Variants in B3GALNT2 observed in about 807,000 individuals in gnomAD.
B3GALNT2 encodes UDP-GalNAc:beta-1,3-N-acetylgalactosaminyltransferase 2.
A neutral mutation model predicts 61.1 loss-of-function variants in B3GALNT2; 53 were observed. The ratio of observed to expected loss-of-function variants is 0.87; its 90% CI spans 0.70 to 1.09. The LOEUF (loss-of-function observed/expected upper bound fraction) is 1.09, where lower values mean the gene tolerates loss of function less well. Ranked by LOEUF, B3GALNT2 falls within the 50% of genes least tolerant of loss-of-function variation. The probability of loss-of-function intolerance (pLI) is 0.00; values close to 1 mark genes in which losing one functional copy is unlikely to be tolerated. For synonymous variants in B3GALNT2, 223 were observed against 237.4 expected (o/e 0.94, Z 0.56); for missense variants, 544 against 623.0 (o/e 0.87, Z 1.35).
chr1:235,456,632 C>T (rs1683182073), intron 8 of B3GALNT2, among the ~76,000 whole-genome samples: 1 of 152,004 alleles, frequency 6.6e-6, no homozygotes, highest in South Asian at 2.1e-4. Flanking sequence ...ATGGGTGATG[C>T]CAGCTATGGG....
chr1:235,457,119 T>A (rs937826811), intron 8 of B3GALNT2, among the ~76,000 whole-genome samples: 1 of 151,354 alleles, frequency 6.6e-6, no homozygotes, highest in Admixed American at 6.6e-5. Context: ...AAAAAATAAA[T>A]AAATAAATAA....
Position 235,449,004 on chromosome 1 carries a change from G to GTT in B3GALNT2, c.*1201_*1202insAA. On this transcript the variant is annotated 3_prime_UTR_variant, in exon 12 of 12. Coordinates refer to ENST00000366600, the MANE Select transcript of B3GALNT2 (RefSeq NM_152490.5). ...ATCTTATTTCATATTTATTTTTACAGCTCATCACTGCATTTCATGATAAGA... is the reference window on the plus strand; with the variant it reads ...ATCTTATTTCATATTTATTTTTACAGTTCTCATCACTGCATTTCATGATAAGA... 6 of 437,898 alleles carry GTT rather than the reference G, an allele frequency of 1.4e-5. No individual in the cohort carries two copies. Among genetic ancestry groups the GTT allele is most frequent in the South Asian group, 1.1e-4 (5 of 45,802 alleles). 27.1% of individuals were successfully genotyped at this position (437,898 alleles called of 1,614,324 possible).
At chr1:235,457,413 G>C (rs1683218322) in intron 8 of B3GALNT2, among the ~76,000 whole-genome samples, 1 of 152,082 alleles carries the variant, frequency 6.6e-6, no homozygotes, top group South Asian at 2.1e-4. Context: ...CCATGGTCAG[G>C]ACAGACAGTA....
At chr1:235,480,177 A>G (rs1233433713) in intron 4 of B3GALNT2, 28 bp from the exon 5 acceptor site, 2 of 1,611,918 alleles carry the variant, frequency 1.2e-6, no homozygotes, top group East Asian at 4.5e-5. Flanking sequence ...AAGACAAGAA[A>G]AAATACTTCA....
chr1:235,457,151 G>A (rs576459073), intron 8 of B3GALNT2, among the ~76,000 whole-genome samples: 1 of 151,778 alleles, frequency 6.6e-6, no homozygotes, highest in South Asian at 2.1e-4. Flanking sequence ...ATTTGCCCCA[G>A]CTAAGAAACA....
At chr1:235,501,491 C>T (rs1437974318) in intron 1 of B3GALNT2, among the ~76,000 whole-genome samples, 1 of 152,134 alleles carries the variant, frequency 6.6e-6, no homozygotes, top group Non-Finnish European at 1.5e-5. Flanking sequence ...TTATCACTAC[C>T]GCTGTGATAT....
intron 4 of B3GALNT2, among the ~76,000 whole-genome samples, chr1:235,483,895 T>C (rs981535432): frequency 6.6e-6 from 1 of 152,210 alleles, no homozygotes; most frequent in Non-Finnish European, 1.5e-5. Context: ...TGTAAAAGAA[T>C]AACTTTTATT....
At chr1:235,444,053 C>G (rs1414354177), downstream of B3GALNT2, among the ~76,000 whole-genome samples, 1 of 152,154 alleles carries the variant, frequency 6.6e-6, no homozygotes, top group Non-Finnish European at 1.5e-5. Flanking sequence ...CTTAATGACT[C>G]TAGTACACTG....
At chr1:235,488,692 C>CAAAAAAAAAAAA (rs11436508) in intron 3 of B3GALNT2, among the ~76,000 whole-genome samples, 1 of 38,014 alleles carries the variant, frequency 2.6e-5, no homozygotes, top group African/African-American at 1.1e-4. Flanking sequence ...ACTCCATCTC[C>CAAAAAAAAAAAA]AAAAAAAAAA....
chr1:235,475,670 G>C (rs1355073893), intron 5 of B3GALNT2, among the ~76,000 whole-genome samples: 1 of 152,208 alleles, frequency 6.6e-6, no homozygotes, highest in East Asian at 1.9e-4. Flanking sequence ...TACAACAGGA[G>C]AGAATTTTTT....
rs1683290127 is a variant in B3GALNT2 at position 235,458,892 on chromosome 1, C to G, written c.842-106G>C. The G allele has an allele frequency of 1.6e-5, 16 of 1,030,544 alleles. No individual in the cohort carries two copies. In the Admixed American group the frequency reaches 2.8e-4, roughly 18 times the overall value. The allele number at this position is 1,030,544 out of a possible 1,614,324, so 63.8% of individuals were successfully genotyped here. A position where few individuals can be genotyped will look rare whatever the true frequency, so the allele number is the denominator to read the frequency against. On this transcript the variant is annotated intron_variant, in intron 7 of 11. Coordinates refer to ENST00000366600, the MANE Select transcript of B3GALNT2 (RefSeq NM_152490.5). ...TTTTCCCAAGGTAACCCAGCAGAAA[C>G]ACATGCAGTTGTTTGGAACTTTAGG...
rs1472176493 is a variant in B3GALNT2 at position 235,448,798 on chromosome 1, A to G, written c.*1408T>C. ...ATAAAATTTAAAGACCACACTGCTT[A>G]TCGTGTCTGGGGTTCACCGGAAATA... On this transcript the variant is annotated 3_prime_UTR_variant, in exon 12 of 12. Transcript: ENST00000366600. 1 of 1,421,144 alleles carries G rather than the reference A, an allele frequency of 7.0e-7. No individual in the cohort carries two copies. Among genetic ancestry groups the G allele is most frequent in the South Asian group, 1.1e-5 (1 of 87,084 alleles). 88.0% of individuals were successfully genotyped at this position (1,421,144 alleles called of 1,614,324 possible). A position where few individuals can be genotyped will look rare whatever the true frequency, so the allele number is the denominator to read the frequency against.
At chr1:235,475,381 G>T (rs1684228336) in intron 5 of B3GALNT2, among the ~76,000 whole-genome samples, 1 of 152,090 alleles carries the variant, frequency 6.6e-6, no homozygotes, top group South Asian at 2.1e-4. Context: ...TTATGCTTCA[G>T]TGAGCTACAC....
At chr1:235,502,720 G>A (rs1303235743) in intron 1 of B3GALNT2, among the ~76,000 whole-genome samples, 1 of 152,152 alleles carries the variant, frequency 6.6e-6, no homozygotes, top group African/African-American at 2.4e-5. Flanking sequence ...GTTTTTGTTT[G>A]TTTTACTGAA....
rs371102656 is a variant in B3GALNT2, at chr1:235,483,057, G to C, written c.555+1265C>G. Among the ~76,000 whole-genome samples, 162 of 152,118 alleles carry C rather than the reference G, an allele frequency of 1.1e-3. 3 individuals carry two copies. The South Asian group carries it at 0.033, about 31-fold the overall frequency. On this transcript the variant is annotated intron_variant, in intron 4 of 11. Transcript: ENST00000366600. ...ACACATAGGAAATTTTAGAGAAATA[G>C]AAACAGTAAAAAAGAACTAAATGGA...
chr1:235,493,045 C>G (rs1685153422), intron 2 of B3GALNT2, among the ~76,000 whole-genome samples: 1 of 152,214 alleles, frequency 6.6e-6, no homozygotes, highest in Non-Finnish European at 1.5e-5. Flanking sequence ...ACTCTGGCTG[C>G]TGTATGGAAA....
At chr1:235,480,286 G>A in intron 4 of B3GALNT2, 137 bp from the exon 5 acceptor site, 1 of 1,365,238 alleles carries the variant, frequency 7.3e-7, no homozygotes, top group South Asian at 1.5e-5. Flanking sequence ...TGGTTCTACT[G>A]TGGTTTTGGC....
rs201313075 is a variant in B3GALNT2, at chr1:235,475,700, TTTTC to T, written c.651+4350_651+4353del. ...TTTTTTTAATTGCTAAAAGTTTATT[TTTTC>T]TTTCTATTATATAAAGCTAATATAT... On this transcript the variant is annotated intron_variant, in intron 5 of 11. Coordinates refer to ENST00000366600, the MANE Select transcript of B3GALNT2 (RefSeq NM_152490.5). Among the ~76,000 whole-genome samples, 847 of 152,286 alleles carry T rather than the reference TTTTC, an allele frequency of 5.6e-3. 5 individuals carry two copies. Among genetic ancestry groups the T allele is most frequent in the Middle Eastern group, 0.024 (7 of 294 alleles).
At chr1:235,476,606 T>C (rs992649848) in intron 5 of B3GALNT2, among the ~76,000 whole-genome samples, 1 of 152,068 alleles carries the variant, frequency 6.6e-6, no homozygotes, top group East Asian at 1.9e-4. Flanking sequence ...TCTCAGCACT[T>C]TGGGAGGCCA....
Sources: gnomAD v4.1 joint callset for allele counts (sites outside exome capture counted in the v4.1 genomes callset) on GRCh38, gnomAD v4.1.1 for gene constraint, MANE v1.5 for transcripts, NCBI Gene and HGNC (gene_info 2026-07-23, HGNC 2026-07-21) for gene names.